APBB1IP: variants seen among roughly 807,000 people sequenced by gnomAD.
APBB1IP encodes amyloid beta A4 precursor protein-binding family B member 1-interacting protein.
APBB1IP carries 27 observed loss-of-function variants against 64.9 expected under a neutral mutation model. That is an observed-to-expected ratio of 0.42 (90% CI 0.31 to 0.57). The LOEUF is 0.57. Ranked by LOEUF, APBB1IP falls within the 20% of genes least tolerant of loss-of-function variation. The pLI is 0.20. For synonymous variants in APBB1IP, 392 were observed against 331.0 expected (o/e 1.18, Z -2.00); for missense variants, 812 against 845.5 (o/e 0.96, Z 0.49).
chr10:26,544,146 G>A (rs916739947), intron 11 of APBB1IP, among the ~76,000 whole-genome samples: 2 of 152,202 alleles, frequency 1.3e-5, no homozygotes, highest in African/African-American at 4.8e-5. Context: ...ACAAAGCATC[G>A]CCCACTACCC....
intron 8 of APBB1IP, among the ~76,000 whole-genome samples, chr10:26,521,756 A>G (rs1836404229): frequency 1.3e-5 from 2 of 151,970 alleles, no homozygotes; most frequent in Non-Finnish European, 2.9e-5. Context: ...AAGTATTATT[A>G]TTATTATTTT....
intron 11 of APBB1IP, among the ~76,000 whole-genome samples, chr10:26,543,115 T>C (rs1302115432): frequency 6.6e-6 from 1 of 151,570 alleles, no homozygotes; most frequent in South Asian, 2.1e-4. Context: ...GTGAAAGCAC[T>C]GAAGGCCGGG....
chr10:26,542,231 A>T (rs1342308239), intron 11 of APBB1IP, among the ~76,000 whole-genome samples: 1 of 152,150 alleles, frequency 6.6e-6, no homozygotes, highest in East Asian at 1.9e-4. Context: ...ATCATAGCCC[A>T]CTGCAGCCTC....
At chr10:26,464,507 C>A (rs114493507) in intron 2 of APBB1IP, among the ~76,000 whole-genome samples, 5,698 of 152,152 alleles carry the variant, frequency 0.037, 329 homozygotes, top group African/African-American at 0.12. Flanking sequence ...CTCAAGTGAT[C>A]CTCCCACCTC....
chr10:26,533,589 G>A, intron 9 of APBB1IP, 64 bp downstream of exon 9: 4 of 1,112,462 alleles, frequency 3.6e-6, no homozygotes, highest in Non-Finnish European at 5.0e-6. Flanking sequence ...TAAGTCATTT[G>A]CTTCCGAGAA....
chr10:26,531,406 G>A (rs1486719047), intron 8 of APBB1IP, among the ~76,000 whole-genome samples: 1 of 152,124 alleles, frequency 6.6e-6, no homozygotes, highest in South Asian at 2.1e-4. Flanking sequence ...GGTGGCTCAT[G>A]CCTGTAATCC....
chr10:26,477,758 G>T (rs146726066), intron 2 of APBB1IP, among the ~76,000 whole-genome samples: 1 of 152,098 alleles, frequency 6.6e-6, no homozygotes, highest in African/African-American at 2.4e-5. Flanking sequence ...TTGAGTCAAG[G>T]TCTCACTCTG....
intron 2 of APBB1IP, among the ~76,000 whole-genome samples, chr10:26,443,426 T>A (rs1486490018): frequency 7.1e-6 from 1 of 141,550 alleles, no homozygotes; most frequent in African/African-American, 2.7e-5. Context: ...AAAAAAAAGT[T>A]TCAAGAGCGA....
chr10:26,472,632 T>C (rs1004155557), intron 2 of APBB1IP, among the ~76,000 whole-genome samples: 1 of 152,090 alleles, frequency 6.6e-6, no homozygotes, highest in Non-Finnish European at 1.5e-5. Context: ...AGATGATGCA[T>C]TAAATGTTGA....
At chr10:26,446,946 G>A (rs774498117) in intron 2 of APBB1IP, among the ~76,000 whole-genome samples, 1 of 152,084 alleles carries the variant, frequency 6.6e-6, no homozygotes, top group African/African-American at 2.4e-5. Context: ...GGGAAAGACA[G>A]GCATGTAAAA....
intron 7 of APBB1IP, among the ~76,000 whole-genome samples, chr10:26,512,367 G>A (rs1836272311): frequency 6.6e-6 from 1 of 152,132 alleles, no homozygotes; most frequent in Admixed American, 6.5e-5. Flanking sequence ...GGTGGCAGGA[G>A]AGCCTGGGTA....
chr10:26,542,203 G>T (rs7894117), intron 11 of APBB1IP, among the ~76,000 whole-genome samples: 15,785 of 152,110 alleles, frequency 0.1, 1,430 homozygotes, highest in African/African-American at 0.24. Context: ...GTCACCCAGG[G>T]TGGAGTGCAG....
chr10:26,482,597 T>G (rs1018150144), intron 2 of APBB1IP, among the ~76,000 whole-genome samples: 1 of 152,176 alleles, frequency 6.6e-6, no homozygotes, highest in African/African-American at 2.4e-5. Context: ...TTTTAAAATT[T>G]TTTTCTCCTC....
At chr10:26,524,869 T>C (rs1298564907) in intron 8 of APBB1IP, among the ~76,000 whole-genome samples, 1 of 151,888 alleles carries the variant, frequency 6.6e-6, no homozygotes, top group Non-Finnish European at 1.5e-5. Context: ...TTATAGGTTA[T>C]GACTCCCCTG....
intron 2 of APBB1IP, among the ~76,000 whole-genome samples, chr10:26,461,608 A>G (rs2132406976): frequency 6.6e-6 from 1 of 152,028 alleles, no homozygotes; most frequent in Non-Finnish European, 1.5e-5. Context: ...TCTTTTTTAT[A>G]AATCCATTTG....
chr10:26,450,955 C>A (rs1325088373), intron 2 of APBB1IP, among the ~76,000 whole-genome samples: 1 of 152,208 alleles, frequency 6.6e-6, no homozygotes, highest in Non-Finnish European at 1.5e-5. Flanking sequence ...CTCGTCCTCC[C>A]AAAGTGTTGG....
intron 6 of APBB1IP, among the ~76,000 whole-genome samples, chr10:26,508,261 T>C (rs1313730818): frequency 6.6e-6 from 1 of 152,204 alleles, no homozygotes; most frequent in Non-Finnish European, 1.5e-5. Flanking sequence ...GAATTACAAA[T>C]GATGTATACA....
At chr10:26,464,045 G>T (rs1377126104) in intron 2 of APBB1IP, among the ~76,000 whole-genome samples, 1 of 152,030 alleles carries the variant, frequency 6.6e-6, no homozygotes, top group Non-Finnish European at 1.5e-5. Context: ...TCCCATCCTT[G>T]CTGACCTGGA....
chr10:26,504,608 G>A (rs1836151242), intron 6 of APBB1IP, among the ~76,000 whole-genome samples: 1 of 151,956 alleles, frequency 6.6e-6, no homozygotes, highest in South Asian at 2.1e-4. Flanking sequence ...TACTCAGCAG[G>A]CTGAGGCAGG....
Sources: gnomAD v4.1 joint callset for allele counts (sites outside exome capture counted in the v4.1 genomes callset) on GRCh38, gnomAD v4.1.1 for gene constraint, MANE v1.5 for transcripts, NCBI Gene and HGNC (gene_info 2026-07-23, HGNC 2026-07-21) for gene names.